Variants in MIA2 observed in about 807,000 individuals in gnomAD.
The protein encoded by MIA2 is melanoma inhibitory activity protein 2.
Under a neutral mutation model 167.8 loss-of-function variants are expected in MIA2, and 127 were observed. That is an observed-to-expected ratio of 0.76 (90% confidence interval 0.66 to 0.88). The LOEUF (loss-of-function observed/expected upper bound fraction) is 0.88, where lower values mean the gene tolerates loss of function less well. Among genes scored for constraint, MIA2 ranks in the 40% least tolerant of loss-of-function variants. The pLI is 0.00. For missense variants in MIA2, 1,690 were observed against 1,624.7 expected (o/e 1.04, Z -0.69); for synonymous variants, 552 against 541.9 (o/e 1.02, Z -0.26).
At chr14:39,315,068 A>T in intron 20 of MIA2, 1 of 229,904 alleles carries the variant, frequency 4.3e-6, no homozygotes, top group Non-Finnish European at 8.0e-6. Context: ...GGATCACTTG[A>T]GGTCAGGAGT....
intron 24 of MIA2, 129 bp downstream of exon 24, chr14:39,321,185 A>C (rs1481013600): frequency 5.7e-6 from 5 of 871,592 alleles, no homozygotes; most frequent in Non-Finnish European, 8.5e-6. Context: ...ACTGTAGATA[A>C]CTTTTATTTG....
intron 6 of MIA2, among the ~76,000 whole-genome samples, chr14:39,258,431 C>G (rs141889378): frequency 5.3e-5 from 8 of 152,104 alleles, no homozygotes; most frequent in Non-Finnish European, 7.4e-5. Flanking sequence ...TTTTTCAGCT[C>G]CATCAGGTCA....
chr14:39,356,648 G>A (rs1375352496), intron 23 of MIA2, among the ~76,000 whole-genome samples: 1 of 152,164 alleles, frequency 6.6e-6, no homozygotes, highest in Non-Finnish European at 1.5e-5. Context: ...ATATTAGGGT[G>A]TCAATTTTAG....
chr14:39,240,457 A>G, intron 2 of MIA2, 104 bp from the exon 3 acceptor site: 1 of 706,566 alleles, frequency 1.4e-6, no homozygotes, highest in Non-Finnish European at 2.4e-6. Flanking sequence ...AATGTTTGCG[A>G]TTCAGAGTAG....
chr14:39,304,257 A>T, intron 16 of MIA2, 34 bp from the exon 17 acceptor site: 1 of 995,478 alleles, frequency 1.0e-6, no homozygotes, highest in Non-Finnish European at 1.5e-6. Context: ...ATAACTGATT[A>T]ATGTTACTTT....
chr14:39,385,899 A>G (rs1482329473), intron 23 of MIA2: 2 of 896,206 alleles, frequency 2.2e-6, no homozygotes, highest in Non-Finnish European at 1.9e-6. Context: ...AAAAAAGGTT[A>G]TCTCCTCTAC....
chr14:39,331,258 A>G (rs1264436095), intron 25 of MIA2, among the ~76,000 whole-genome samples: 1 of 151,966 alleles, frequency 6.6e-6, no homozygotes, highest in African/African-American at 2.4e-5. Flanking sequence ...AGTCTTTTTT[A>G]TCAGAGACTA....
rs1307605926 is a variant in MIA2, at chr14:39,314,775, A to G, written c.3156A>G (p.Arg1052=). 1.9e-6 allele frequency: 3 copies of G among 1,606,704 alleles called. No individual in the cohort carries two copies. The African/African-American group carries it at 4.0e-5, about 22-fold the overall frequency. ...AAGATCTTGAAGAAGAATTGGAGAG[A>G]ACTATTCATTCTTATCAAGGGCAGG... ...RAKDLEEELE[R]TIHSYQGQII... is the part of the protein sequence containing the mutation. Residue 1052 remains arginine (R), a synonymous_variant, in exon 20 of 29, where the codon AGA becomes AGG. Transcript: ENST00000640607.
At chr14:39,254,282 AT>A (rs1355828029) in intron 6 of MIA2, among the ~76,000 whole-genome samples, 5 of 152,222 alleles carry the variant, frequency 3.3e-5, no homozygotes, top group Non-Finnish European at 7.3e-5. Flanking sequence ...TTGGAGCACA[AT>A]AAGCAATTGA....
In MIA2 at chr14:39,252,700, A is replaced by G. The variant is rs151212368; in HGVS notation, c.1568-48A>G. The G allele has an allele frequency of 8.8e-5, 129 of 1,468,954 alleles. No individual in the cohort carries two copies. The East Asian group carries it at 2.9e-3, about 33-fold the overall frequency. The allele number at this position is 1,468,954 out of a possible 1,614,324, so 91.0% of individuals were successfully genotyped here. A position where few individuals can be genotyped will look rare whatever the true frequency, so the allele number is the denominator to read the frequency against. On this transcript the variant is annotated intron_variant, in intron 4 of 28. Transcript: ENST00000640607. ...CTAGAAAACAAAAGGGGAGCCCTCA[A>G]CAAAGCAAGTATTTTGGAAAAACAC...
chr14:39,377,247 AAAAG>A (rs1195266615), intron 23 of MIA2, among the ~76,000 whole-genome samples: 1 of 152,062 alleles, frequency 6.6e-6, no homozygotes. Flanking sequence ...AAAAAAAAAA[AAAAG>A]AACAATCCTG....
chr14:39,299,305 C>T (rs370198238), intron 13 of MIA2, among the ~76,000 whole-genome samples: 145 of 95,048 alleles, frequency 1.5e-3, no homozygotes, highest in East Asian at 1.7e-3. Context: ...AATGGTATTT[C>T]TTTTTTTTTT....
chr14:39,350,208 A>T lies in MIA2; in HGVS notation c.4183A>T (p.Ile1395Phe), dbSNP rs778986326. Residue 1395 changes from isoleucine (I) to phenylalanine (F), a missense_variant, in exon 29 of 29, where the codon ATT becomes TTT. Coordinates refer to ENST00000640607, the MANE Select transcript of MIA2 (RefSeq NM_001329214.4). ...EGRSEFPSGLIPPSNEPATEH... is the reference protein window; with the variant it reads ...EGRSEFPSGLFPPSNEPATEH... ...TAGAAGTGAGTTCCCCTCAGGTTTG[A>T]TTCCACCTTCAAATGAGCCTGCTAC... is the stretch of plus-strand genomic sequence containing the variant. 7 of 1,518,360 alleles carry T rather than the reference A, an allele frequency of 4.6e-6. No homozygotes were observed. In the South Asian group the frequency reaches 8.9e-5, roughly 19 times the overall value. The allele number at this position is 1,518,360 out of a possible 1,614,324, so 94.1% of individuals were successfully genotyped here. A position where few individuals can be genotyped will look rare whatever the true frequency, so the allele number is the denominator to read the frequency against.
At chr14:39,318,365 T>C (rs1386468030) in intron 22 of MIA2, among the ~76,000 whole-genome samples, 2 of 152,160 alleles carry the variant, frequency 1.3e-5, no homozygotes, top group Non-Finnish European at 2.9e-5. Context: ...GATAAGTAGA[T>C]AGGATAATAT....
At chr14:39,325,366 AT>A (rs1203450043) in intron 24 of MIA2, among the ~76,000 whole-genome samples, 7,643 of 136,924 alleles carry the variant, frequency 0.056, 395 homozygotes, top group African/African-American at 0.18. Flanking sequence ...TGAATGTTAA[AT>A]TTTTTTTTTT....
chr14:39,315,120 TAAAAAAAAA>T lies in MIA2; in HGVS notation c.3180+339_3180+347del, dbSNP rs558848153. The T allele has an allele frequency of 8.6e-3, 910 of 105,838 alleles. 10 individuals are homozygous for T. The highest frequency in any genetic ancestry group is 0.032 in the Middle Eastern group (7 of 222). The allele number at this position is 105,838 out of a possible 1,614,324, so 6.6% of individuals were successfully genotyped here. A position where few individuals can be genotyped will look rare whatever the true frequency, so the allele number is the denominator to read the frequency against. On this transcript the variant is annotated intron_variant, in intron 20 of 28. Transcript: ENST00000640607. ...TAACATGGCAAAACCCTGTCTCTAC[TAAAAAAAAA>T]AAAAAAAAAAAAAAAAATACAAAAA...
At chr14:39,269,073 AGTTTTT>A in intron 6 of MIA2, 7 of 362,172 alleles carry the variant, frequency 1.9e-5, no homozygotes, top group Non-Finnish European at 2.3e-5. Flanking sequence ...TCACCTGCAC[AGTTTTT>A]TTTTTTTTTT....
At chr14:39,380,984 A>G (rs2075147490) in intron 23 of MIA2, among the ~76,000 whole-genome samples, 1 of 151,464 alleles carries the variant, frequency 6.6e-6, no homozygotes, top group African/African-American at 2.4e-5. Context: ...AACACCCAAG[A>G]GCAGCCCCTG....
chr14:39,384,526 A>G (rs530402641), intron 23 of MIA2, among the ~76,000 whole-genome samples: 5 of 152,142 alleles, frequency 3.3e-5, no homozygotes, highest in South Asian at 4.1e-4. Flanking sequence ...TTTAAGTTCA[A>G]TGTGGTTTTA....
Sources: allele counts gnomAD v4.1 joint callset (sites outside exome capture counted in the v4.1 genomes callset), GRCh38; gene constraint gnomAD v4.1.1; transcripts MANE v1.5; gene names NCBI Gene and HGNC (gene_info 2026-07-23, HGNC 2026-07-21).